MYT1L: variants seen among roughly 807,000 people sequenced by gnomAD.
MYT1L encodes myelin transcription factor 1 like.
Under a neutral mutation model 126.7 loss-of-function variants are expected in MYT1L, and 12 were observed. The observed-to-expected ratio is 0.09, with a 90% confidence interval of 0.06 to 0.15. MYT1L has a LOEUF of 0.15. Among genes scored for constraint, MYT1L ranks in the 10% least tolerant of loss-of-function variants. MYT1L has a pLI of 1.00. For missense variants in MYT1L, 979 were observed against 1,585.2 expected, an observed-to-expected ratio of 0.62 and a Z score of 6.49; for synonymous variants, 541 against 604.2, an observed-to-expected ratio of 0.90 and a Z score of 1.53.
chr2:1,903,833 A>C (rs2050665274), intron 13 of MYT1L, among the ~76,000 whole-genome samples: 1 of 152,206 alleles, frequency 6.6e-6, no homozygotes, highest in Non-Finnish European at 1.5e-5. Flanking sequence ...TATGCATTCA[A>C]CGTTTTTATC....
chr2:1,857,519 A>G (rs2044064971), intron 18 of MYT1L, among the ~76,000 whole-genome samples: 1 of 152,204 alleles, frequency 6.6e-6, no homozygotes, highest in Admixed American at 6.5e-5. Context: ...AGAATTTCTC[A>G]GAAAGCCCCT....
intron 2 of MYT1L, among the ~76,000 whole-genome samples, chr2:2,233,712 G>C (rs2094215530): frequency 6.6e-6 from 1 of 152,312 alleles, no homozygotes; most frequent in South Asian, 2.1e-4. Context: ...ATGAACCCAA[G>C]GTGGGCTGCT....
chr2:2,112,183 A>G (rs1293561481), intron 3 of MYT1L, among the ~76,000 whole-genome samples: 1 of 152,156 alleles, frequency 6.6e-6, no homozygotes, highest in East Asian at 1.9e-4. Context: ...TGCTTTCCTG[A>G]GACCAAAATA....
chr2:1,942,983 G>A lies in MYT1L; in HGVS notation c.504C>T (p.Asn168=), dbSNP rs758684369. The change falls in exon 9 of 25, where the codon AAC becomes AAT. Residue 168 remains asparagine (N), a splice_region_variant and synonymous_variant. Transcript: ENST00000647738. ...CTTTGCTAATATTTTAAAGATTACC[G>A]TTTTCTTCTTCCTCTTCCTCCTCCT... is the stretch of plus-strand genomic sequence containing the variant. ...EEEEEEEEEE[N]EDHQMNCHNT... The A allele has an allele frequency of 1.6e-5, 25 of 1,531,684 alleles. No individual in the cohort carries two copies. Among genetic ancestry groups the A allele is most frequent in the Admixed American group, 1.0e-4 (5 of 49,840 alleles). The allele number at this position is 1,531,684 out of a possible 1,614,324, so 94.9% of individuals were successfully genotyped here.
intron 3 of MYT1L, among the ~76,000 whole-genome samples, chr2:2,169,439 G>C (rs1039882573): frequency 6.6e-6 from 1 of 152,184 alleles, no homozygotes; most frequent in African/African-American, 2.4e-5. Flanking sequence ...AATCACATAT[G>C]ATACAGATTC....
chr2:2,146,677 C>T (rs906791786), intron 3 of MYT1L, among the ~76,000 whole-genome samples: 2 of 152,210 alleles, frequency 1.3e-5, no homozygotes, highest in Admixed American at 6.5e-5. Flanking sequence ...TCAGAATTAA[C>T]AAGTGCATCT....
intron 1 of MYT1L, among the ~76,000 whole-genome samples, chr2:2,318,001 G>T (rs180913172): frequency 3.9e-5 from 6 of 152,192 alleles, no homozygotes; most frequent in African/African-American, 1.4e-4. Flanking sequence ...GAGGAAGGAC[G>T]AGATGTGTGA....
At chr2:1,944,261 G>A (rs540912994) in intron 8 of MYT1L, among the ~76,000 whole-genome samples, 1 of 152,038 alleles carries the variant, frequency 6.6e-6, no homozygotes, top group Non-Finnish European at 1.5e-5. Context: ...GCCCCAGTGT[G>A]TGATTTTCCC....
chr2:2,273,054 C>G (rs370961948), intron 2 of MYT1L, among the ~76,000 whole-genome samples: 2 of 152,138 alleles, frequency 1.3e-5, no homozygotes, highest in Non-Finnish European at 2.9e-5. Context: ...GCCTTCCGGG[C>G]CCCTTGCTGT....
chr2:2,184,262 A>ATTACATTAT (rs2091887606), intron 2 of MYT1L, among the ~76,000 whole-genome samples: 1 of 152,238 alleles, frequency 6.6e-6, no homozygotes, highest in Non-Finnish European at 1.5e-5. Flanking sequence ...AATGACATAC[A>ATTACATTAT]AAGTAATAAA....
chr2:1,943,668 C>A lies in MYT1L; in HGVS notation c.153-334G>T, dbSNP rs565132341. ...CATAATGTGTATAACATGTAATTGA[C>A]AATACAAATTTATGAAACATTTTAC... is the stretch of plus-strand genomic sequence containing the variant. On this transcript the variant is annotated intron_variant, in intron 8 of 24. Coordinates refer to ENST00000647738, the MANE Select transcript of MYT1L (RefSeq NM_001303052.2). This position sits in a 1 kb window ranked among gnomAD's most constrained non-coding sequence, Gnocchi z 4.4. Among the ~76,000 whole-genome samples, 1 of 152,070 alleles carries A rather than the reference C, an allele frequency of 6.6e-6. No homozygotes were observed. Among genetic ancestry groups the A allele is most frequent in the South Asian group, 2.1e-4 (1 of 4,814 alleles).
intron 2 of MYT1L, among the ~76,000 whole-genome samples, chr2:2,283,141 A>G (rs1156778739): frequency 6.6e-6 from 1 of 152,248 alleles, no homozygotes; most frequent in East Asian, 1.9e-4. Flanking sequence ...AAAGGAGTAA[A>G]GAACAAACGG....
chr2:2,288,304 T>A (rs2095551976), intron 1 of MYT1L, among the ~76,000 whole-genome samples: 1 of 152,220 alleles, frequency 6.6e-6, no homozygotes, highest in Admixed American at 6.5e-5. Flanking sequence ...ATCTAATTTC[T>A]CAGCAAGCGC....
chr2:2,067,646 G>A (rs2074040135), intron 3 of MYT1L, among the ~76,000 whole-genome samples: 1 of 151,978 alleles, frequency 6.6e-6, no homozygotes, highest in African/African-American at 2.4e-5. Context: ...TTGGAGTAAG[G>A]AAAAATAAAC....
At chr2:1,932,971 C>T (rs1297486972) in intron 9 of MYT1L, among the ~76,000 whole-genome samples, 1 of 152,118 alleles carries the variant, frequency 6.6e-6, no homozygotes, top group East Asian at 1.9e-4. Context: ...AACAATGGCA[C>T]CAGCAGGCAG....
chr2:2,200,237 T>C (rs962472367), intron 2 of MYT1L, among the ~76,000 whole-genome samples: 4 of 152,186 alleles, frequency 2.6e-5, no homozygotes, highest in Non-Finnish European at 5.9e-5. Flanking sequence ...GATTTGCCAT[T>C]GTACTAGGAA....
intron 14 of MYT1L, among the ~76,000 whole-genome samples, chr2:1,900,079 C>T (rs559126276): frequency 1.7e-4 from 26 of 152,312 alleles, no homozygotes; most frequent in South Asian, 4.1e-4. Context: ...TTCTCCCTTA[C>T]GACAGGCCCA....
At position 1,791,826 on chromosome 2, in the gene MYT1L, G is replaced by A; in HGVS notation, c.*41C>T. 1.3e-6 allele frequency: 2 copies of A among 1,507,002 alleles called. No homozygotes were observed. Among genetic ancestry groups the A allele is most frequent in the Non-Finnish European group, 8.8e-7 (1 of 1,132,138 alleles). The allele number at this position is 1,507,002 out of a possible 1,614,324, so 93.4% of individuals were successfully genotyped here. ...AAGTTACAGCAGCAAAAAACAAGAG[G>A]CATCCTTTTTAAGCAAGAGTTTCAT... On this transcript the variant is annotated 3_prime_UTR_variant, in exon 25 of 25. Transcript: ENST00000647738. This position sits in a 1 kb window ranked among gnomAD's most constrained non-coding sequence, Gnocchi z 6.0.
At chr2:1,986,129 G>A (rs1433949166) in intron 5 of MYT1L, among the ~76,000 whole-genome samples, 1 of 152,226 alleles carries the variant, frequency 6.6e-6, no homozygotes, top group Non-Finnish European at 1.5e-5. Context: ...TTAAGTGAGT[G>A]AATGAATAAA....
Sources: gnomAD v4.1 joint callset for allele counts (sites outside exome capture counted in the v4.1 genomes callset) on GRCh38, gnomAD v4.1.1 for gene constraint, Gnocchi (gnomAD v3.1) non-coding constraint, MANE v1.5 for transcripts, NCBI Gene and HGNC (gene_info 2026-07-23, HGNC 2026-07-21) for gene names.